Variants in ARHGAP6 observed in about 807,000 individuals in gnomAD.
The protein encoded by ARHGAP6 is rho GTPase-activating protein 6.
Under a neutral mutation model 55.7 loss-of-function variants are expected in ARHGAP6, and 16 were observed. That is an observed-to-expected ratio of 0.29 (90% CI 0.19 to 0.44). ARHGAP6 has a LOEUF of 0.44. Ranked by LOEUF, ARHGAP6 falls within the 20% of genes least tolerant of loss-of-function variation. The pLI is 1.00. For synonymous variants in ARHGAP6, 382 were observed against 360.9 expected (o/e 1.06, Z -0.66); for missense variants, 698 against 808.9 (o/e 0.86, Z 1.66).
At chrX:11,142,992 A>G (rs1485118249) in intron 11 of ARHGAP6, 2 of 112,432 alleles carry the variant, frequency 1.8e-5, no homozygotes, top group African/African-American at 6.5e-5. Flanking sequence ...TACTATCCTC[A>G]GGAATACTTT....
At chrX:11,300,081 T>C (rs767670963) in intron 1 of ARHGAP6, among the ~76,000 whole-genome samples, 16 of 112,046 alleles carry the variant, frequency 1.4e-4, no homozygotes, top group Non-Finnish European at 2.4e-4. Flanking sequence ...TCGGTGCCTA[T>C]CATTGGCTAT....
At chrX:11,244,922 C>A (rs2047333040) in intron 2 of ARHGAP6, among the ~76,000 whole-genome samples, 1 of 112,253 alleles carries the variant, frequency 8.9e-6, no homozygotes, top group South Asian at 3.7e-4. Context: ...TACCATGGTA[C>A]AAAGCACATG....
rs993048108 is a variant in ARHGAP6, at chrX:11,143,753, T to C, written c.2176+227A>G. The C allele has an allele frequency of 3.5e-6, 4 of 1,129,035 alleles. No individual in the cohort carries two copies. The African/African-American group carries it at 7.4e-5, about 21-fold the overall frequency. The allele number at this position is 1,129,035 out of a possible 1,213,427, so 93.0% of individuals were successfully genotyped here. On this transcript the variant is annotated intron_variant, in intron 11 of 12. Transcript: ENST00000337414. ...CGTTTATTTCCCAGATATCTGAGAC[T>C]TGGAGTGTGGCCTGCAGGGACCCTC...
rs763378584 is a variant in ARHGAP6, at chrX:11,388,112, C to G, written c.589-133405G>C. On this transcript the variant is annotated intron_variant, in intron 1 of 12. Transcript: ENST00000337414. ...TCAAATGGTATTTCAAGTTCTAGAT[C>G]CCTGAGGAATCAACACACTGACTTC... 2.7e-5 allele frequency among the ~76,000 whole-genome samples: 3 copies of G among 111,993 alleles called. No homozygotes were observed. The South Asian group carries it at 1.1e-3, about 42-fold the overall frequency.
chrX:11,511,984 A>G (rs1169696924), intron 1 of ARHGAP6, among the ~76,000 whole-genome samples: 1 of 110,274 alleles, frequency 9.1e-6, no homozygotes, highest in Non-Finnish European at 1.9e-5. Flanking sequence ...CTGCCACCAC[A>G]CCTGGCTAAT....
At chrX:11,366,728 C>A (rs760044031) in intron 1 of ARHGAP6, among the ~76,000 whole-genome samples, 2 of 111,883 alleles carry the variant, frequency 1.8e-5, no homozygotes, top group African/African-American at 6.5e-5. Flanking sequence ...GGGTGGTGTT[C>A]AGTTTTCACA....
At chrX:11,540,918 A>G (rs988329186) in intron 1 of ARHGAP6, among the ~76,000 whole-genome samples, 1 of 112,509 alleles carries the variant, frequency 8.9e-6, no homozygotes. Context: ...TGCACCAACC[A>G]TGGCAGAAGA....
intron 1 of ARHGAP6, among the ~76,000 whole-genome samples, chrX:11,380,819 C>A (rs1200009711): frequency 8.9e-6 from 1 of 112,185 alleles, no homozygotes; most frequent in Admixed American, 9.4e-5. Flanking sequence ...TTGGCCTCTA[C>A]CGACTAGTAG....
chrX:11,574,042 G>C (rs1281264365), intron 1 of ARHGAP6, among the ~76,000 whole-genome samples: 2 of 111,364 alleles, frequency 1.8e-5, no homozygotes, highest in Non-Finnish European at 3.8e-5. Flanking sequence ...TTGAATCTCT[G>C]AATAGACCAA....
intron 1 of ARHGAP6, among the ~76,000 whole-genome samples, chrX:11,531,599 T>A (rs1042952862): frequency 9.3e-5 from 10 of 107,252 alleles, no homozygotes; most frequent in African/African-American, 3.3e-4. Flanking sequence ...AGGGGGTTCT[T>A]TTTTTTTTTG....
chrX:11,567,718 G>C (rs1302272291), intron 1 of ARHGAP6, among the ~76,000 whole-genome samples: 3 of 109,189 alleles, frequency 2.7e-5, no homozygotes, highest in African/African-American at 1.0e-4. Flanking sequence ...CTGGAGTCTG[G>C]AGTGCAGTGC....
At chrX:11,463,725 C>T (rs1340003134) in intron 1 of ARHGAP6, among the ~76,000 whole-genome samples, 1 of 112,215 alleles carries the variant, frequency 8.9e-6, no homozygotes, top group African/African-American at 3.2e-5. Flanking sequence ...AAATGTGATT[C>T]CATTAAAGTC....
At chrX:11,552,555 CAT>C (rs59008705) in intron 1 of ARHGAP6, among the ~76,000 whole-genome samples, 2,558 of 12,323 alleles carry the variant, frequency 0.21, 97 homozygotes, top group Non-Finnish European at 0.24. Flanking sequence ...GAAAATGTGC[CAT>C]ATATATATAT....
intron 2 of ARHGAP6, among the ~76,000 whole-genome samples, chrX:11,213,866 G>A (rs896401349): frequency 8.9e-6 from 1 of 111,816 alleles, no homozygotes; most frequent in African/African-American, 3.3e-5. Flanking sequence ...AATTGCCCTC[G>A]TAGCCCTTAA....
chrX:11,346,722 AGAAAG>A (rs1206104138), intron 1 of ARHGAP6, among the ~76,000 whole-genome samples: 2 of 101,713 alleles, frequency 2.0e-5, no homozygotes, highest in Non-Finnish European at 4.0e-5. Context: ...AAGAAAGAAA[AGAAAG>A]AAAGAAAGAA....
intron 1 of ARHGAP6, among the ~76,000 whole-genome samples, chrX:11,384,773 G>T (rs1283500122): frequency 1.8e-5 from 2 of 111,480 alleles, no homozygotes; most frequent in Non-Finnish European, 3.8e-5. Flanking sequence ...CTTGGGGCCT[G>T]GTATGTTTGA....
In ARHGAP6 at chrX:11,509,503, T is replaced by C. The variant is rs189739723; in HGVS notation, c.588+154738A>G. ...AAGTTGGGAGTGACTTTTCTTTTCA[T>C]ATGCAAACACTGAGGCTCTGCCAAG... On this transcript the variant is annotated intron_variant, in intron 1 of 12. Transcript: ENST00000337414. 1.3e-3 allele frequency among the ~76,000 whole-genome samples: 149 copies of C among 111,880 alleles called. 1 individual carries two copies. The highest frequency in any genetic ancestry group is 3.2e-3 in the Admixed American group (34 of 10,545).
At chrX:11,396,104 C>G (rs893536218) in intron 1 of ARHGAP6, among the ~76,000 whole-genome samples, 30 of 111,560 alleles carry the variant, frequency 2.7e-4, no homozygotes, top group African/African-American at 9.1e-4. Flanking sequence ...TAAGTCTTCA[C>G]TATCAGTTTT....
chrX:11,543,341 A>T (rs2051179003), intron 1 of ARHGAP6, among the ~76,000 whole-genome samples: 1 of 112,959 alleles, frequency 8.9e-6, no homozygotes, highest in Non-Finnish European at 1.9e-5. Context: ...TTTTAGAACA[A>T]TAGTTCTCAA....
Sources: allele counts gnomAD v4.1 joint callset (sites outside exome capture counted in the v4.1 genomes callset), GRCh38; gene constraint gnomAD v4.1.1; transcripts MANE v1.5; gene names NCBI Gene and HGNC (gene_info 2026-07-23, HGNC 2026-07-21).